The following TMEM145 variants were observed in gnomAD, a reference collection of about 807,000 sequenced individuals.
TMEM145 encodes transmembrane protein 145.
In TMEM145, 46 loss-of-function variants were observed where a neutral mutation model predicts 68.5. The ratio of observed to expected loss-of-function variants is 0.67; its 90% CI spans 0.53 to 0.86. The LOEUF (loss-of-function observed/expected upper bound fraction) is 0.86, where lower values mean the gene tolerates loss of function less well. Ranked by LOEUF, TMEM145 falls within the 40% of genes least tolerant of loss-of-function variation. The probability of loss-of-function intolerance (pLI) is 0.00; values close to 1 mark genes in which losing one functional copy is unlikely to be tolerated. For missense variants in TMEM145, 570 were observed against 645.8 expected, an observed-to-expected ratio of 0.88 and a Z score of 1.27; for synonymous variants, 255 against 280.2, an observed-to-expected ratio of 0.91 and a Z score of 0.90.
intron 13 of TMEM145, chr19:42,321,327 T>C: frequency 2.8e-6 from 1 of 359,918 alleles, no homozygotes; most frequent in Non-Finnish European, 4.9e-6. Context: ...CAGGTTCTCC[T>C]GCCTCAGCCT....
At position 42,318,012 on chromosome 19, in the gene TMEM145, T is replaced by A. The variant is rs2038876187; in HGVS notation, c.1073+131T>A. Reference sequence around the variant, plus strand: ...ACTCAGGCAGCTGTTGCCCAGAATCTGCCACTTACTCACTTTGTGAAAAAT... The same window carrying A: ...ACTCAGGCAGCTGTTGCCCAGAATCAGCCACTTACTCACTTTGTGAAAAAT... On this transcript the variant is annotated intron_variant, in intron 12 of 14. Transcript: ENST00000301204. 3.0e-6 allele frequency: 3 copies of A among 990,196 alleles called. No individual in the cohort carries two copies. The East Asian group carries it at 7.3e-5, about 24-fold the overall frequency. 61.3% of individuals were successfully genotyped at this position (990,196 alleles called of 1,614,324 possible). A position where few individuals can be genotyped will look rare whatever the true frequency, so the allele number is the denominator to read the frequency against.
chr19:42,318,587 T>C (rs2038882692), intron 12 of TMEM145, among the ~76,000 whole-genome samples: 1 of 150,532 alleles, frequency 6.6e-6, no homozygotes, highest in Non-Finnish European at 1.5e-5. Flanking sequence ...CTCAGGAGGC[T>C]GAGGCAGGAG....
At chr19:42,317,566 A>G in intron 11 of TMEM145, 143 bp from the exon 12 acceptor site, 1 of 693,662 alleles carries the variant, frequency 1.4e-6, no homozygotes, top group Non-Finnish European at 2.4e-6. Flanking sequence ...CTACCTCAAT[A>G]TGCTTCTGTC....
In TMEM145 at chr19:42,317,772, C is replaced by T. The variant is rs764536681; in HGVS notation, c.964C>T (p.Leu322=). The T allele has an allele frequency of 1.2e-6, 2 of 1,614,210 alleles. No homozygotes were observed. Among genetic ancestry groups the T allele is most frequent in the South Asian group, 2.2e-5 (2 of 91,084 alleles). ...GCCGGCCGGCTACGGGCTCATTGGACTGCAGGTGGCGGCCTACGTGTGGTT... is the reference window on the plus strand; with the variant it reads ...GCCGGCCGGCTACGGGCTCATTGGATTGCAGGTGGCGGCCTACGTGTGGTT... ...ESPAGYGLIG[L]QVAAYVWFCY... Residue 322 remains leucine (L), a synonymous_variant, in exon 12 of 15, where the codon CTG becomes TTG. Transcript: ENST00000301204.
At chr19:42,324,315 C>T in intron 14 of TMEM145, 1 of 985,218 alleles carries the variant, frequency 1.0e-6, no homozygotes, top group Non-Finnish European at 1.2e-6. Context: ...GTGGCGGCGG[C>T]GGTGGCCCCG....
chr19:42,324,378 C>T, intron 14 of TMEM145: 1 of 985,384 alleles, frequency 1.0e-6, no homozygotes, highest in Non-Finnish European at 1.2e-6. Flanking sequence ...CCCCCACTTC[C>T]CGCTCGGTTC....
chr19:42,316,442 T>C (rs2038858187), intron 8 of TMEM145, 39 bp from the exon 9 acceptor site: 1 of 1,592,870 alleles, frequency 6.3e-7, no homozygotes, highest in Non-Finnish European at 8.6e-7. Flanking sequence ...GCCCCAGAGC[T>C]GCTTTCTATC....
intron 13 of TMEM145, chr19:42,321,258 C>T (rs2038908674): frequency 2.5e-6 from 1 of 396,492 alleles, no homozygotes; most frequent in Admixed American, 4.4e-5. Flanking sequence ...CGGAGTCTCA[C>T]TCTGTCACTA....
intron 12 of TMEM145, among the ~76,000 whole-genome samples, chr19:42,318,911 G>A (rs1317680811): frequency 2.0e-5 from 3 of 151,898 alleles, no homozygotes; most frequent in Non-Finnish European, 4.4e-5. Context: ...GTAAAACCCC[G>A]TCTTTACTAA....
chr19:42,323,669 C>G lies in TMEM145; in HGVS notation c.1281C>G (p.Pro427=), dbSNP rs1275506028. ...SQIASAGVPG[P]GGSQSADKAF... is the part of the protein sequence containing the mutation. ...TCGCTTCAGCCGGAGTCCCTGGACCCGGAGGGAGCCAATCCGCTGACAAGG... is the reference window on the plus strand; with the variant it reads ...TCGCTTCAGCCGGAGTCCCTGGACCGGGAGGGAGCCAATCCGCTGACAAGG... Residue 427 remains proline, a synonymous_variant, in exon 14 of 15, where the codon CCC becomes CCG. Transcript: ENST00000301204. 1 of 1,614,138 alleles carries G rather than the reference C, an allele frequency of 6.2e-7. No individual in the cohort carries two copies. The highest frequency in any genetic ancestry group is 8.5e-7 in the Non-Finnish European group (1 of 1,180,014).
At chr19:42,321,535 G>A (rs1046221808) in intron 13 of TMEM145, 4 of 173,700 alleles carry the variant, frequency 2.3e-5, no homozygotes, top group Non-Finnish European at 3.6e-5. Context: ...GACTACAGGC[G>A]CCCACCACCA....
intron 14 of TMEM145, 61 bp downstream of exon 14, chr19:42,323,850 C>T: frequency 6.7e-7 from 1 of 1,482,086 alleles, no homozygotes; most frequent in Non-Finnish European, 9.3e-7. Context: ...GTACCTGACC[C>T]CGCTCCCGGC....
At chr19:42,319,510 G>A (rs148518746) in intron 12 of TMEM145, among the ~76,000 whole-genome samples, 194 of 149,428 alleles carry the variant, frequency 1.3e-3, no homozygotes, top group African/African-American at 4.5e-3. Context: ...GCAGTGGCAC[G>A]ATCTCAGCTC....
intron 13 of TMEM145, chr19:42,321,914 G>A (rs1263221651): frequency 6.6e-6 from 1 of 152,322 alleles, no homozygotes; most frequent in Non-Finnish European, 1.5e-5. Flanking sequence ...ACTACACAGA[G>A]CGGGGAAGCT....
At chr19:42,317,641 G>T (rs908847035) in intron 11 of TMEM145, 68 bp from the exon 12 acceptor site, 7 of 1,543,762 alleles carry the variant, frequency 4.5e-6, no homozygotes, top group Non-Finnish European at 6.2e-6. Flanking sequence ...GTGCCCAGGG[G>T]TGGGGTCCGG....
intron 13 of TMEM145, among the ~76,000 whole-genome samples, chr19:42,320,681 G>A (rs1441491476): frequency 6.6e-6 from 1 of 151,550 alleles, no homozygotes; most frequent in Non-Finnish European, 1.5e-5. Context: ...AGGCTGGAGT[G>A]CAATGGCTTG....
intron 13 of TMEM145, chr19:42,321,287 C>T: frequency 2.6e-6 from 1 of 390,774 alleles, no homozygotes; most frequent in Non-Finnish European, 4.5e-6. Context: ...TGCAGTGGCG[C>T]GATCTTGGCT....
chr19:42,321,386 G>GTTTT (rs751803295), intron 13 of TMEM145: 38 of 159,942 alleles, frequency 2.4e-4, no homozygotes, highest in Middle Eastern at 2.6e-3. Context: ...CGGTTAAGTG[G>GTTTT]TTTTTTTTTT....
In TMEM145 at chr19:42,313,972, G is replaced by A. The variant is rs2038828423; in HGVS notation, c.121-300G>A. ...TTAGATATTGGCCAGGACATGAGGT[G>A]GCCAGGATGAGCATCTGGCCCCTAA... is the stretch of plus-strand genomic sequence containing the variant. On this transcript the variant is annotated intron_variant, in intron 1 of 14. Coordinates refer to ENST00000301204, the MANE Select transcript of TMEM145 (RefSeq NM_173633.3). The surrounding 1 kb of genome is among the most constrained non-coding windows in gnomAD (Gnocchi z 5.1). Among the ~76,000 whole-genome samples the A allele has an allele frequency of 1.3e-5, 2 of 151,724 alleles. No individual in the cohort carries two copies.
Sources: allele counts gnomAD v4.1 joint callset (sites outside exome capture counted in the v4.1 genomes callset), GRCh38; gene constraint gnomAD v4.1.1; non-coding constraint Gnocchi (gnomAD v3.1); transcripts MANE v1.5; gene names NCBI Gene and HGNC (gene_info 2026-07-23, HGNC 2026-07-21).